Variants in ARIH2 observed in about 807,000 individuals in gnomAD.
ARIH2 encodes the protein E3 ubiquitin-protein ligase ARIH2.
In ARIH2, 12 loss-of-function variants were observed where a neutral mutation model predicts 79.8. The ratio of observed to expected loss-of-function variants is 0.15; its 90% CI spans 0.10 to 0.24. The LOEUF is 0.24. Among genes scored for constraint, ARIH2 ranks in the 10% least tolerant of loss-of-function variants. The pLI is 1.00. For missense variants in ARIH2, 301 were observed against 618.3 expected, an observed-to-expected ratio of 0.49 and a Z score of 5.44; for synonymous variants, 224 against 213.9, an observed-to-expected ratio of 1.05 and a Z score of -0.41.
At chr3:48,965,287 G>A (rs2091673600) in intron 5 of ARIH2, among the ~76,000 whole-genome samples, 1 of 152,132 alleles carries the variant, frequency 6.6e-6, no homozygotes, top group African/African-American at 2.4e-5. Flanking sequence ...GTGAACCCGG[G>A]AGGCGGAGCT....
intron 2 of ARIH2, among the ~76,000 whole-genome samples, chr3:48,923,025 G>A (rs2085025953): frequency 6.6e-6 from 1 of 151,990 alleles, no homozygotes; most frequent in Non-Finnish European, 1.5e-5. Flanking sequence ...GGCTAAAACG[G>A]TGAAACCCCG....
rs2092885780 is a variant in ARIH2, at chr3:48,985,655, C to G, written c.*2385C>G. 6.6e-6 allele frequency: 1 copy of G among 152,208 alleles called. No homozygotes were observed. The highest frequency in any genetic ancestry group is 2.1e-4 in the South Asian group (1 of 4,834). The allele number at this position is 152,208 out of a possible 1,614,324, so 9.4% of individuals were successfully genotyped here. A position where few individuals can be genotyped will look rare whatever the true frequency, so the allele number is the denominator to read the frequency against. On this transcript the variant is annotated 3_prime_UTR_variant, in exon 16 of 16. Coordinates refer to ENST00000356401, the MANE Select transcript of ARIH2 (RefSeq NM_006321.4). ...TCAGTCAGCCCCTTCTTCCAGAGGG[C>G]TGTGGAGGCCCCAGTGGCCAAACTC...
In ARIH2 at chr3:48,983,193, A is replaced by G. The variant is rs1415010585; in HGVS notation, c.1411-6A>G. 1.9e-6 allele frequency: 3 copies of G among 1,614,246 alleles called. No homozygotes were observed. Among genetic ancestry groups the G allele is most frequent in the Non-Finnish European group, 1.7e-6 (2 of 1,180,036 alleles). Reference sequence around the variant, plus strand: ...TGCAAGCACACACCTTGTTTCTCTGATGCAGGACTTGGAGAACCAGATGCA... The same window carrying G: ...TGCAAGCACACACCTTGTTTCTCTGGTGCAGGACTTGGAGAACCAGATGCA... On this transcript the variant is annotated splice_polypyrimidine_tract_variant and splice_region_variant and intron_variant, in intron 15 of 15. Transcript: ENST00000356401.
chr3:48,941,421 T>A (rs940171839), intron 3 of ARIH2, among the ~76,000 whole-genome samples: 6 of 152,124 alleles, frequency 3.9e-5, no homozygotes, highest in African/African-American at 1.4e-4. Flanking sequence ...AGGGTTATAC[T>A]CAGTGATGTT....
At chr3:48,944,530 C>T (rs879886624) in intron 3 of ARIH2, among the ~76,000 whole-genome samples, 4 of 151,994 alleles carry the variant, frequency 2.6e-5, no homozygotes, top group Admixed American at 1.3e-4. Flanking sequence ...ACAAGTCAAC[C>T]CTCCTTCCAT....
intron 2 of ARIH2, among the ~76,000 whole-genome samples, chr3:48,926,160 C>T (rs966427087): frequency 1.2e-4 from 19 of 152,102 alleles, no homozygotes; most frequent in African/African-American, 4.3e-4. Context: ...ACTTTCTCAA[C>T]TAGTATTCTC....
chr3:48,921,383 GTTT>G, intron 1 of ARIH2: 1 of 141,982 alleles, frequency 7.0e-6, no homozygotes, highest in East Asian at 2.1e-4. Context: ...GGAGCCTGGA[GTTT>G]TCCCCACCTA....
rs141813451 is a variant in ARIH2, at chr3:48,948,425, C to A, written c.256-13187C>A. On this transcript the variant is annotated intron_variant, in intron 3 of 15. Coordinates refer to ENST00000356401, the MANE Select transcript of ARIH2 (RefSeq NM_006321.4). ...CTGGGATCACAGGCATGTGCCACCA[C>A]GCCCGGCTAATTTTGTGTTTTTAGT... 6.5e-3 allele frequency among the ~76,000 whole-genome samples: 994 copies of A among 152,176 alleles called. 15 individuals carry two copies. Among genetic ancestry groups the A allele is most frequent in the African/African-American group, 0.022 (920 of 41,478 alleles).
chr3:48,919,248 C>G (rs2084383296), intron 1 of ARIH2: 2 of 1,225,640 alleles, frequency 1.6e-6, no homozygotes, highest in African/African-American at 1.6e-5. Context: ...CGCCTCTGAC[C>G]AACCGGCGCC....
intron 14 of ARIH2, 83 bp downstream of exon 14, chr3:48,981,811 C>G (rs2092761328): frequency 8.4e-7 from 1 of 1,184,232 alleles, no homozygotes; most frequent in Non-Finnish European, 1.2e-6. Context: ...AGAGTGAGGA[C>G]CAGACCTTGG....
chr3:48,936,952 C>T (rs11719457), intron 3 of ARIH2, among the ~76,000 whole-genome samples: 11,535 of 146,642 alleles, frequency 0.079, 580 homozygotes, highest in Middle Eastern at 0.12. Flanking sequence ...GGCGTGAACC[C>T]GGGAGGTGGA....
intron 7 of ARIH2, among the ~76,000 whole-genome samples, chr3:48,969,136 G>T (rs2092005377): frequency 6.6e-6 from 1 of 151,442 alleles, no homozygotes; most frequent in East Asian, 1.9e-4. Context: ...GCCTCCCAAA[G>T]TGCTGGGATT....
chr3:48,940,061 C>T (rs1213162632), intron 3 of ARIH2, among the ~76,000 whole-genome samples: 2 of 151,964 alleles, frequency 1.3e-5, no homozygotes, highest in South Asian at 2.1e-4. Flanking sequence ...AAAAAATTAG[C>T]CAGGCATGGT....
Position 48,979,570 on chromosome 3 carries a change from G to C in ARIH2, c.1050G>C (p.Val350=), listed in dbSNP as rs770162375. Residue 350 remains valine, a synonymous_variant, in exon 12 of 16, where the codon GTG becomes GTC. Transcript: ENST00000356401. Reference sequence around the variant, plus strand: ...GTTACAAGGAGAATCCTGACATCGTGAACCAGAGCCAACAAGCCCAGGCGA... The same window carrying C: ...GTTACAAGGAGAATCCTGACATCGTCAACCAGAGCCAACAAGCCCAGGCGA... ...CSRYKENPDI[V]NQSQQAQARE... 2.5e-6 allele frequency: 4 copies of C among 1,614,138 alleles called. No homozygotes were observed. The highest frequency in any genetic ancestry group is 2.2e-5 in the South Asian group (2 of 91,090).
At chr3:48,937,284 T>C (rs928443451) in intron 3 of ARIH2, among the ~76,000 whole-genome samples, 1 of 152,224 alleles carries the variant, frequency 6.6e-6, no homozygotes, top group Non-Finnish European at 1.5e-5. Flanking sequence ...TAACCTTGCC[T>C]CTTTTTACAA....
intron 3 of ARIH2, among the ~76,000 whole-genome samples, chr3:48,928,280 C>T (rs1378423621): frequency 6.6e-6 from 1 of 152,138 alleles, no homozygotes; most frequent in Non-Finnish European, 1.5e-5. Context: ...GTTTCATGTA[C>T]TGATTTTAAT....
At chr3:48,937,939 C>G (rs1267499962) in intron 3 of ARIH2, among the ~76,000 whole-genome samples, 2 of 149,966 alleles carry the variant, frequency 1.3e-5, no homozygotes, top group Admixed American at 6.7e-5. Flanking sequence ...CCCAGCTACT[C>G]CGGAGGCTGA....
At chr3:48,962,034 C>T (rs1367982910) in intron 4 of ARIH2, among the ~76,000 whole-genome samples, 1 of 152,116 alleles carries the variant, frequency 6.6e-6, no homozygotes, top group African/African-American at 2.4e-5. Context: ...CTTTTGGATA[C>T]GTCAACTTGA....
intron 3 of ARIH2, among the ~76,000 whole-genome samples, chr3:48,933,550 T>C: frequency 6.7e-6 from 1 of 149,078 alleles, no homozygotes; most frequent in Non-Finnish European, 1.5e-5. Flanking sequence ...ACTTTTTTTT[T>C]TTTTTTTTTT....
Sources: allele counts gnomAD v4.1 joint callset (sites outside exome capture counted in the v4.1 genomes callset), GRCh38; gene constraint gnomAD v4.1.1; transcripts MANE v1.5; gene names NCBI Gene and HGNC (gene_info 2026-07-23, HGNC 2026-07-21).